PARP11: variants seen among roughly 807,000 people sequenced by gnomAD.
PARP11 encodes the protein protein mono-ADP-ribosyltransferase PARP11.
PARP11 carries 31 observed loss-of-function variants against 42.9 expected under a neutral mutation model. That is an observed-to-expected ratio of 0.72 (90% confidence interval 0.54 to 0.98). The LOEUF is 0.98. Among genes scored for constraint, PARP11 ranks in the 50% least tolerant of loss-of-function variants. The pLI is 0.00. For missense variants in PARP11, 365 were observed against 413.1 expected, an observed-to-expected ratio of 0.88 and a Z score of 1.01; for synonymous variants, 137 against 127.3, an observed-to-expected ratio of 1.08 and a Z score of -0.51.
intron 1 of PARP11, among the ~76,000 whole-genome samples, chr12:3,851,654 C>T (rs146578669): frequency 2.4e-3 from 364 of 152,334 alleles, no homozygotes; most frequent in African/African-American, 8.3e-3. Flanking sequence ...GGCCTGCCTA[C>T]CTCTGTAGAC....
chr12:3,859,325 G>A (rs1230998872), intron 1 of PARP11, among the ~76,000 whole-genome samples: 4 of 152,012 alleles, frequency 2.6e-5, no homozygotes, highest in South Asian at 4.1e-4. Flanking sequence ...AGCACTTTGC[G>A]AGGCCGAGGC....
intron 1 of PARP11, among the ~76,000 whole-genome samples, chr12:3,864,977 T>C (rs1948364924): frequency 6.6e-6 from 1 of 152,194 alleles, no homozygotes; most frequent in Non-Finnish European, 1.5e-5. Flanking sequence ...ATTATTGATT[T>C]GTAACATTTC....
chr12:3,826,983 C>A (rs1442963715), intron 3 of PARP11, among the ~76,000 whole-genome samples: 1 of 152,156 alleles, frequency 6.6e-6, no homozygotes, highest in Non-Finnish European at 1.5e-5. Flanking sequence ...GTTTACCCAC[C>A]CAGGCTAAGG....
rs1357652786 is a variant in PARP11 at position 3,839,503 on chromosome 12, T to A, written c.19-9485A>T. ...TCGCCATGTTGAAGTCAGAATGGCC[T>A]GTATTCACTGTCTTCGAGAGAACAG... is the stretch of plus-strand genomic sequence containing the variant. On this transcript the variant is annotated intron_variant, in intron 1 of 7. Transcript: ENST00000228820. 6 of 1,602,922 alleles carry A rather than the reference T, an allele frequency of 3.7e-6. No individual in the cohort carries two copies. The South Asian group carries it at 5.5e-5, about 15-fold the overall frequency.
chr12:3,836,516 A>G (rs773726497), intron 1 of PARP11, among the ~76,000 whole-genome samples: 1 of 152,020 alleles, frequency 6.6e-6, no homozygotes, highest in Non-Finnish European at 1.5e-5. Context: ...GGCATTCGTA[A>G]TAATCCATGG....
At chr12:3,813,826 GCTCA>G (rs928424950) in intron 7 of PARP11, among the ~76,000 whole-genome samples, 8 of 151,966 alleles carry the variant, frequency 5.3e-5, no homozygotes, top group African/African-American at 1.9e-4. Flanking sequence ...ATTCCTTATT[GCTCA>G]CTAATATTCT....
rs73251463 is a variant in PARP11, at chr12:3,826,290, G to T, written c.269-57C>A. ...ATAAAAGTACACTGTACTATAAAGT[G>T]TCATGAAGATTAATAGCCACGCTAC... On this transcript the variant is annotated intron_variant, in intron 3 of 7. Coordinates refer to ENST00000228820, the MANE Select transcript of PARP11 (RefSeq NM_020367.6). 4.5e-3 allele frequency: 5,733 copies of T among 1,265,826 alleles called. 205 individuals carry two copies. The African/African-American group carries it at 0.077, about 17-fold the overall frequency. The allele number at this position is 1,265,826 out of a possible 1,614,324, so 78.4% of individuals were successfully genotyped here. A position where few individuals can be genotyped will look rare whatever the true frequency, so the allele number is the denominator to read the frequency against.
chr12:3,812,459 G>C lies in PARP11; in HGVS notation c.701-20C>G. The C allele has an allele frequency of 1.3e-6, 2 of 1,564,912 alleles. No homozygotes were observed. Among genetic ancestry groups the C allele is most frequent in the Non-Finnish European group, 1.7e-6 (2 of 1,150,186 alleles). On this transcript the variant is annotated intron_variant, in intron 7 of 7. Transcript: ENST00000228820. ...AGGTTCCTTAAACAAAGAGGACCAA[G>C]AAAAGCCAAGATTACTCCGAAGAAT...
At chr12:3,833,785 A>T (rs1158195258) in intron 1 of PARP11, among the ~76,000 whole-genome samples, 1 of 152,124 alleles carries the variant, frequency 6.6e-6, no homozygotes, top group African/African-American at 2.4e-5. Context: ...ACCATTCCCC[A>T]CATCCTACCA....
intron 1 of PARP11, among the ~76,000 whole-genome samples, chr12:3,834,266 A>T (rs1947709365): frequency 6.6e-6 from 1 of 152,212 alleles, no homozygotes; most frequent in Non-Finnish European, 1.5e-5. Flanking sequence ...AAGGACAAAG[A>T]GCTCTACATT....
chr12:3,847,219 T>C (rs1172775317), intron 1 of PARP11, among the ~76,000 whole-genome samples: 1 of 152,180 alleles, frequency 6.6e-6, no homozygotes, highest in African/African-American at 2.4e-5. Context: ...ACCTGATGGC[T>C]TCACTGCTGA....
At chr12:3,812,577 T>A in intron 7 of PARP11, 138 bp from the exon 8 acceptor site, 2 of 648,300 alleles carry the variant, frequency 3.1e-6, no homozygotes, top group South Asian at 4.0e-5. Context: ...TCTGCAGATC[T>A]TTAAGAGAAG....
At chr12:3,841,051 G>C in intron 1 of PARP11, 7 of 1,592,608 alleles carry the variant, frequency 4.4e-6, no homozygotes, top group Non-Finnish European at 6.0e-6. Context: ...CCCTGGACCT[G>C]ATTCTGCTGT....
chr12:3,872,834 G>T (rs1412004474), intron 1 of PARP11: 1 of 984,134 alleles, frequency 1.0e-6, no homozygotes, highest in East Asian at 1.1e-4. Context: ...GCTGAGGCAC[G>T]ACAATCGCTT....
chr12:3,870,047 C>G (rs1316682822), intron 1 of PARP11, among the ~76,000 whole-genome samples: 2 of 152,170 alleles, frequency 1.3e-5, no homozygotes, highest in African/African-American at 4.8e-5. Context: ...CTACACAGTA[C>G]AGTATGCAAC....
chr12:3,859,893 A>T (rs1196766504), intron 1 of PARP11, among the ~76,000 whole-genome samples: 1 of 152,232 alleles, frequency 6.6e-6, no homozygotes, highest in East Asian at 1.9e-4. Flanking sequence ...ACTCCAACAT[A>T]AAGATGTAAC....
intron 6 of PARP11, among the ~76,000 whole-genome samples, chr12:3,817,193 A>G (rs1045281196): frequency 2.6e-5 from 4 of 151,822 alleles, no homozygotes; most frequent in Non-Finnish European, 4.4e-5. Flanking sequence ...TCTGTCTCAA[A>G]AAAAAAAAAA....
intron 1 of PARP11, chr12:3,839,311 G>T (rs1947838909): frequency 6.6e-7 from 1 of 1,523,134 alleles, no homozygotes; most frequent in African/African-American, 1.4e-5. Context: ...CATGGAGGCG[G>T]CCGTCGGCGT....
intron 1 of PARP11, among the ~76,000 whole-genome samples, chr12:3,856,300 A>T (rs994566624): frequency 2.0e-5 from 3 of 152,246 alleles, no homozygotes; most frequent in African/African-American, 7.2e-5. Flanking sequence ...GTTTCTGCAC[A>T]GCACAAGAAA....
Sources: allele counts gnomAD v4.1 joint callset (sites outside exome capture counted in the v4.1 genomes callset), GRCh38; gene constraint gnomAD v4.1.1; transcripts MANE v1.5; gene names NCBI Gene and HGNC (gene_info 2026-07-23, HGNC 2026-07-21).